EGR2: variants seen among roughly 807,000 people sequenced by gnomAD.
The protein encoded by EGR2 is early growth response 2, also known as E3 SUMO-protein ligase EGR2.
In EGR2, 2 loss-of-function variants were observed where a neutral mutation model predicts 21.2. That is an observed-to-expected ratio of 0.09 (90% confidence interval 0.04 to 0.30). EGR2 has a LOEUF of 0.30. Ranked by LOEUF, EGR2 falls within the 10% of genes least tolerant of loss-of-function variation. The pLI is 1.00. For missense variants in EGR2, 458 were observed against 630.2 expected (o/e 0.73, Z 2.93); for synonymous variants, 282 against 258.2 (o/e 1.09, Z -0.88).
In EGR2 at chr10:62,812,552, C is replaced by T. The variant is rs886047089; in HGVS notation, c.*655G>A. On this transcript the variant is annotated 3_prime_UTR_variant, in exon 2 of 2. Transcript: ENST00000242480. ...AATAGCCTACATTTCTCAAACAACT[C>T]GAAAAGGAGCAGATATTGCTATGTT... The T allele has an allele frequency of 6.5e-6, 1 of 152,752 alleles. No individual in the cohort carries two copies. The allele number at this position is 152,752 out of a possible 1,614,324, so 9.5% of individuals were successfully genotyped here.
rs779781939 is a variant in EGR2 at position 62,813,337 on chromosome 10, G to A, written c.1301C>T (p.Ser434Leu). The A allele has an allele frequency of 4.4e-6, 7 of 1,591,974 alleles. No homozygotes were observed. The East Asian group carries it at 1.3e-4, about 31-fold the overall frequency. The change falls in exon 2 of 2, where the codon TCG (serine) becomes TTG (leucine). Residue 434 changes from serine to leucine, a missense_variant. Physicochemically the swap from Ser to Leu is moderately radical, Grantham distance 145 (BLOSUM62 -2). Transcript: ENST00000242480. This position sits in a 1 kb window ranked among gnomAD's most constrained non-coding sequence, Gnocchi z 5.7. Reference protein sequence around the residue: ...KERKSSAPSASVPAPSTASCS... With the variant: ...KERKSSAPSALVPAPSTASCS... The stretch of plus-strand genomic sequence containing the variant: ...GGAGGCTGTAGAGGGGGCTGGCACC[G>A]ATGCAGAGGGGGCACTGCTTTTCCG...
upstream of EGR2, chr10:62,818,448 T>C (rs1838306286): frequency 1.7e-6 from 1 of 584,926 alleles, no homozygotes; most frequent in Admixed American, 4.5e-5. Flanking sequence ...AGCACCCTAG[T>C]AGATACCCCA....
chr10:62,813,726 GGCTGCT>G lies in EGR2; in HGVS notation c.906_911del (p.Ala308_Ala309del). The G allele has an allele frequency of 6.2e-7, 1 of 1,610,166 alleles. No homozygotes were observed. On this transcript the variant is annotated inframe_deletion, in exon 2 of 2. Transcript: ENST00000242480. The surrounding 1 kb of genome is among the most constrained non-coding windows in gnomAD (Gnocchi z 5.7). Reference sequence around the variant, plus strand: ...GTGGGTTATAGGCGGCGGCGGCGGCGGCTGCTGCTGCTGCTGAGCTGCTACCAGGCA... The same window carrying G: ...GTGGGTTATAGGCGGCGGCGGCGGCGGCTGCTGCTGAGCTGCTACCAGGCA...
chr10:62,816,473 G>A (rs1016473815), upstream of EGR2: 4 of 752,700 alleles, frequency 5.3e-6, no homozygotes, highest in Non-Finnish European at 3.4e-6. Flanking sequence ...GGCTTTTGCC[G>A]TCACATGGCT....
In EGR2 at chr10:62,814,908, G is replaced by C. The variant is rs1057197971; in HGVS notation, c.170-440C>G. Reference sequence around the variant, plus strand: ...ACCTATCCCAGTCAGTGCCGTGATGGTGCCAAACCGAGAGGAGAGCCCGAG... The same window carrying C: ...ACCTATCCCAGTCAGTGCCGTGATGCTGCCAAACCGAGAGGAGAGCCCGAG... On this transcript the variant is annotated intron_variant, in intron 1 of 1. Transcript: ENST00000242480. The surrounding 1 kb of genome is among the most constrained non-coding windows in gnomAD (Gnocchi z 4.8). 6.6e-6 allele frequency among the ~76,000 whole-genome samples: 1 copy of C among 152,196 alleles called. No homozygotes were observed. Among genetic ancestry groups the C allele is most frequent in the Non-Finnish European group, 1.5e-5 (1 of 68,044 alleles).
chr10:62,814,448 T>C lies in EGR2; in HGVS notation c.190A>G (p.Met64Val), dbSNP rs1035411608. ...VAGDGMINID[M>V]TGEKRSLDLP... ...TCCAACGACCTCTTCTCTCCAGTCATGTCAATGTTGATCATGCCATCTGGG... is the reference window on the plus strand; with the variant it reads ...TCCAACGACCTCTTCTCTCCAGTCACGTCAATGTTGATCATGCCATCTGGG... Residue 64 changes from methionine to valine, a missense_variant, in exon 2 of 2, where the codon ATG (methionine) becomes GTG (valine). By Grantham distance (21) the Met-to-Val change is conservative. Transcript: ENST00000242480. The surrounding 1 kb of genome is among the most constrained non-coding windows in gnomAD (Gnocchi z 4.8). 18 of 1,614,048 alleles carry C rather than the reference T, an allele frequency of 1.1e-5. No individual in the cohort carries two copies. The highest frequency in any genetic ancestry group is 1.4e-5 in the Non-Finnish European group (17 of 1,179,994).
upstream of EGR2, among the ~76,000 whole-genome samples, chr10:62,816,611 T>C (rs899291899): frequency 6.6e-6 from 1 of 151,930 alleles, no homozygotes. Flanking sequence ...GGCGCAGGGA[T>C]CGCGGGGGAG....
At chr10:62,816,471 C>T, upstream of EGR2, 7 of 787,300 alleles carry the variant, frequency 8.9e-6, no homozygotes, top group Non-Finnish European at 1.1e-5. Context: ...GCGGCTTTTG[C>T]CGTCACATGG....
chr10:62,816,171 GA>G lies in EGR2; in HGVS notation c.-143del, dbSNP rs571925432. 1.2e-4 allele frequency: 187 copies of G among 1,533,500 alleles called. 1 individual carries two copies. In the South Asian group the frequency reaches 1.9e-3, roughly 16 times the overall value. 95.0% of individuals were successfully genotyped at this position (1,533,500 alleles called of 1,614,324 possible). ...TAAAAACAACCACCACACACACCAA[GA>G]AAAAAAAATCAACAGAAATAAAAGT... On this transcript the variant is annotated 5_prime_UTR_variant, in exon 1 of 2. Transcript: ENST00000242480.
Position 62,814,223 on chromosome 10 carries a change from C to A in EGR2, c.415G>T (p.Ala139Ser), listed in dbSNP as rs2132706614. The A allele has an allele frequency of 6.2e-7, 1 of 1,614,088 alleles. No individual in the cohort carries two copies. Among genetic ancestry groups the A allele is most frequent in the Non-Finnish European group, 8.5e-7 (1 of 1,179,990 alleles). Residue 139 changes from alanine to serine, a missense_variant, in exon 2 of 2, where the codon GCC (alanine) becomes TCC (serine). Transcript: ENST00000242480. This position sits in a 1 kb window ranked among gnomAD's most constrained non-coding sequence, Gnocchi z 4.8. ...CCTGTGGCCAGTGGGTTGGGGGAGG[C>A]AGAGGTGACGCTGGATGAGGCTGTG... ...STTASSSVTS[A>S]SPNPLATGPL... is the part of the protein sequence containing the mutation.
At position 62,812,919 on chromosome 10, in the gene EGR2, C is replaced by A; in HGVS notation, c.*288G>T. 3.0e-6 allele frequency: 1 copy of A among 335,280 alleles called. No individual in the cohort carries two copies. The highest frequency in any genetic ancestry group is 4.4e-5 in the Admixed American group (1 of 22,882). 20.8% of individuals were successfully genotyped at this position (335,280 alleles called of 1,614,324 possible). ...AACCTAGTCAAACAACCCTTTAAAG[C>A]AGGGTCAGACCTCAGCCCTCTTGGC... is the stretch of plus-strand genomic sequence containing the variant. On this transcript the variant is annotated 3_prime_UTR_variant, in exon 2 of 2. Coordinates refer to ENST00000242480, the MANE Select transcript of EGR2 (RefSeq NM_000399.5).
At position 62,813,110 on chromosome 10, in the gene EGR2, G is replaced by A. The variant is rs529905844; in HGVS notation, c.*97C>T. On this transcript the variant is annotated 3_prime_UTR_variant, in exon 2 of 2. Transcript: ENST00000242480. This position sits in a 1 kb window ranked among gnomAD's most constrained non-coding sequence, Gnocchi z 5.7. The stretch of plus-strand genomic sequence containing the variant: ...AAGCCCTTTGCCCAACAAAGGGAGA[G>A]AGGGACAGGAAAGGGTGGTAGTGTT... 1.4e-4 allele frequency: 191 copies of A among 1,344,044 alleles called. No homozygotes were observed. In the African/African-American group the frequency reaches 2.5e-3, roughly 18 times the overall value. The allele number at this position is 1,344,044 out of a possible 1,614,324, so 83.3% of individuals were successfully genotyped here.
chr10:62,816,068 A>G lies in EGR2; in HGVS notation c.-39T>C. 6.2e-7 allele frequency: 1 copy of G among 1,613,930 alleles called. No individual in the cohort carries two copies. The highest frequency in any genetic ancestry group is 8.5e-7 in the Non-Finnish European group (1 of 1,179,980). ...AACCTGGAGACCCAACTCCCTCGCT[A>G]CCTGGAGTGTCAGAAAAGCCGTTTT... is the stretch of plus-strand genomic sequence containing the variant. On this transcript the variant is annotated 5_prime_UTR_variant, in exon 1 of 2. Transcript: ENST00000242480.
chr10:62,818,482 C>T, upstream of EGR2: 2 of 1,041,432 alleles, frequency 1.9e-6, no homozygotes, highest in Non-Finnish European at 2.5e-6. Context: ...GTGCAAAGTC[C>T]TATTTCTCAA....
At chr10:62,816,655 A>T (rs1842278828), upstream of EGR2, among the ~76,000 whole-genome samples, 2 of 152,160 alleles carry the variant, frequency 1.3e-5, no homozygotes, top group Admixed American at 1.3e-4. Flanking sequence ...CAGCCACAGC[A>T]GGAGAGCGAG....
At position 62,816,245 on chromosome 10, in the gene EGR2, C is replaced by A; in HGVS notation, c.-216G>T. The A allele has an allele frequency of 7.0e-7, 1 of 1,424,732 alleles. No homozygotes were observed. Among genetic ancestry groups the A allele is most frequent in the Non-Finnish European group, 9.2e-7 (1 of 1,089,074 alleles). The allele number at this position is 1,424,732 out of a possible 1,614,324, so 88.3% of individuals were successfully genotyped here. ...AAGAAATAAGAAAAATGTCTATTTG[C>A]CACTGACTCTCTCCTGTCTGTGTTC... On this transcript the variant is annotated 5_prime_UTR_variant, in exon 1 of 2. Coordinates refer to ENST00000242480, the MANE Select transcript of EGR2 (RefSeq NM_000399.5).
At position 62,814,878 on chromosome 10, in the gene EGR2, A is replaced by T. The variant is rs551294011; in HGVS notation, c.170-410T>A. Among the ~76,000 whole-genome samples, 346 of 152,186 alleles carry T rather than the reference A, an allele frequency of 2.3e-3. No homozygotes were observed. Among genetic ancestry groups the T allele is most frequent in the Non-Finnish European group, 3.9e-3 (267 of 67,996 alleles). On this transcript the variant is annotated intron_variant, in intron 1 of 1. Transcript: ENST00000242480. This position sits in a 1 kb window ranked among gnomAD's most constrained non-coding sequence, Gnocchi z 4.8. Reference sequence around the variant, plus strand: ...GGCACCAAGACAAACACCACCCAAGAATCGACCTATCCCAGTCAGTGCCGT... The same window carrying T: ...GGCACCAAGACAAACACCACCCAAGTATCGACCTATCCCAGTCAGTGCCGT...
Position 62,816,230 on chromosome 10 carries a change from A to G in EGR2, c.-201T>C. 1 of 1,455,266 alleles carries G rather than the reference A, an allele frequency of 6.9e-7. No homozygotes were observed. The highest frequency in any genetic ancestry group is 9.0e-7 in the Non-Finnish European group (1 of 1,107,212). 90.1% of individuals were successfully genotyped at this position (1,455,266 alleles called of 1,614,324 possible). A position where few individuals can be genotyped will look rare whatever the true frequency, so the allele number is the denominator to read the frequency against. On this transcript the variant is annotated 5_prime_UTR_variant, in exon 1 of 2. Coordinates refer to ENST00000242480, the MANE Select transcript of EGR2 (RefSeq NM_000399.5). ...AAGTTGCTGTTTTTTAAGAAATAAG[A>G]AAAATGTCTATTTGCCACTGACTCT...
chr10:62,814,157 G>A lies in EGR2; in HGVS notation c.481C>T (p.Leu161=), dbSNP rs1842201392. The A allele has an allele frequency of 6.2e-7, 1 of 1,614,100 alleles. No individual in the cohort carries two copies. Among genetic ancestry groups the A allele is most frequent in the Non-Finnish European group, 8.5e-7 (1 of 1,179,982 alleles). The change falls in exon 2 of 2, where the codon CTG becomes TTG. Residue 161 remains leucine, a synonymous_variant. Transcript: ENST00000242480. This position sits in a 1 kb window ranked among gnomAD's most constrained non-coding sequence, Gnocchi z 4.8. ...GGTGGCGGAGAGTACAGGTGGTCCAGGTCAGGCTGGGTCTGGGACATGGTG... is the reference window on the plus strand; with the variant it reads ...GGTGGCGGAGAGTACAGGTGGTCCAAGTCAGGCTGGGTCTGGGACATGGTG... The part of the protein sequence containing the change: ...VCTMSQTQPD[L]DHLYSPPPPP...
Sources: allele counts gnomAD v4.1 joint callset (sites outside exome capture counted in the v4.1 genomes callset), GRCh38; gene constraint gnomAD v4.1.1; non-coding constraint Gnocchi (gnomAD v3.1); transcripts MANE v1.5; gene names NCBI Gene and HGNC (gene_info 2026-07-23, HGNC 2026-07-21).